Variants in TYW1B observed in about 807,000 individuals in gnomAD.
TYW1B encodes tRNA-yW synthesizing protein 1 homolog B.
In TYW1B, 73 loss-of-function variants were observed where a neutral mutation model predicts 86.9. The observed-to-expected ratio is 0.84, with a 90% CI of 0.70 to 1.02. The LOEUF (loss-of-function observed/expected upper bound fraction) is 1.02, where lower values mean the gene tolerates loss of function less well. Ranked by LOEUF, TYW1B falls within the 50% of genes least tolerant of loss-of-function variation. TYW1B has a pLI of 0.00. For missense variants in TYW1B, 637 were observed against 827.4 expected (o/e 0.77, Z 2.82); for synonymous variants, 248 against 292.8 (o/e 0.85, Z 1.56).
intron 7 of TYW1B, among the ~76,000 whole-genome samples, chr7:72,776,055 G>A (rs35736902): frequency 0.69 from 104,321 of 151,906 alleles, 36,754 homozygotes; most frequent in Non-Finnish European, 0.77. Flanking sequence ...GCTGAGGCAG[G>A]AGGATTCCTT....
intron 7 of TYW1B, among the ~76,000 whole-genome samples, chr7:72,774,679 C>G (rs1478090002): frequency 4.6e-5 from 7 of 152,012 alleles, no homozygotes; most frequent in African/African-American, 1.7e-4. Context: ...TGCAGTGAGC[C>G]AAGATCACGC....
intron 6 of TYW1B, among the ~76,000 whole-genome samples, chr7:72,782,738 A>G (rs1338764019): frequency 6.6e-6 from 1 of 152,036 alleles, no homozygotes; most frequent in Non-Finnish European, 1.5e-5. Flanking sequence ...TTAGCCAGGC[A>G]TGGTGGCAAA....
intron 6 of TYW1B, among the ~76,000 whole-genome samples, chr7:72,792,390 A>G (rs2129572309): frequency 6.6e-6 from 1 of 152,254 alleles, no homozygotes; most frequent in African/African-American, 2.4e-5. Flanking sequence ...GCAAATGAAC[A>G]ATAAACACAA....
intron 7 of TYW1B, among the ~76,000 whole-genome samples, chr7:72,776,857 A>C (rs1787964649): frequency 6.6e-6 from 1 of 151,990 alleles, no homozygotes; most frequent in Admixed American, 6.6e-5. Flanking sequence ...CCAGACCGAC[A>C]GTTTCTTGAA....
At chr7:72,716,631 C>CTGTTGTTGTTGTTGTTGT (rs138304885) in intron 9 of TYW1B, among the ~76,000 whole-genome samples, 15 of 149,082 alleles carry the variant, frequency 1.0e-4, no homozygotes, top group African/African-American at 3.7e-4. Flanking sequence ...GGGGCTGTGG[C>CTGTTGTTGTTGTTGTTGT]TGTTGTTGTT....
chr7:72,803,181 G>A (rs1554476109), intron 5 of TYW1B, among the ~76,000 whole-genome samples: 1 of 152,084 alleles, frequency 6.6e-6, no homozygotes. Flanking sequence ...AGACCAGCCT[G>A]GGCAACATAG....
rs1165508035 is a variant in TYW1B at position 72,690,814 on chromosome 7, C to T, written c.1506+3873G>A. Among the ~76,000 whole-genome samples the T allele has an allele frequency of 3.3e-5, 5 of 151,366 alleles. No homozygotes were observed. The East Asian group carries it at 5.9e-4, about 18-fold the overall frequency. ...CCAGACTGGAGTTCAATGGTGTGAT[C>T]TCGGCTCGCTACAACCTCCGCCTCC... On this transcript the variant is annotated intron_variant, in intron 11 of 13. Coordinates refer to ENST00000620995, the MANE Select transcript of TYW1B (RefSeq NM_001145440.3).
At chr7:72,626,910 C>G (rs1479492093) in intron 12 of TYW1B, among the ~76,000 whole-genome samples, 1 of 151,856 alleles carries the variant, frequency 6.6e-6, no homozygotes, top group Non-Finnish European at 1.5e-5. Flanking sequence ...CAGCTTCACG[C>G]CCTTTCCTAG....
chr7:72,664,685 A>G (rs1554444984), intron 11 of TYW1B, among the ~76,000 whole-genome samples: 3 of 152,150 alleles, frequency 2.0e-5, no homozygotes, highest in Admixed American at 2.0e-4. Flanking sequence ...GATAATCTGT[A>G]CAACGAATTC....
intron 11 of TYW1B, among the ~76,000 whole-genome samples, chr7:72,632,214 G>A (rs1361972267): frequency 1.1e-4 from 16 of 144,024 alleles, no homozygotes; most frequent in Middle Eastern, 3.7e-3. Context: ...AGCCATGATC[G>A]TACCAACGCA....
At chr7:72,792,998 A>AGAG (rs1554473829) in intron 6 of TYW1B, among the ~76,000 whole-genome samples, 5 of 152,220 alleles carry the variant, frequency 3.3e-5, no homozygotes. Flanking sequence ...AAACAGGAAC[A>AGAG]GAGGACTGCT....
chr7:72,579,926 T>C (rs1351387082), intron 13 of TYW1B, among the ~76,000 whole-genome samples: 4 of 152,222 alleles, frequency 2.6e-5, no homozygotes, highest in African/African-American at 7.2e-5. Flanking sequence ...GCTAGGATCA[T>C]AGGCATGAGC....
intron 1 of TYW1B, among the ~76,000 whole-genome samples, chr7:72,827,215 C>A (rs1433657096): frequency 6.6e-6 from 1 of 151,962 alleles, no homozygotes; most frequent in East Asian, 1.9e-4. Context: ...CGAGACCAGC[C>A]TGGCCAACAT....
At chr7:72,651,095 T>C (rs1337006154) in intron 11 of TYW1B, among the ~76,000 whole-genome samples, 1 of 152,190 alleles carries the variant, frequency 6.6e-6, no homozygotes, top group Non-Finnish European at 1.5e-5. Flanking sequence ...AGGCTTACTA[T>C]AAAGCTATGC....
chr7:72,772,133 G>A (rs1420748450), intron 7 of TYW1B, among the ~76,000 whole-genome samples: 1 of 151,594 alleles, frequency 6.6e-6, no homozygotes, highest in Non-Finnish European at 1.5e-5. Flanking sequence ...ACAAGCGTGA[G>A]CCACCACACC....
chr7:72,628,101 G>A (rs187012816), intron 12 of TYW1B, among the ~76,000 whole-genome samples: 29 of 152,142 alleles, frequency 1.9e-4, no homozygotes, highest in Non-Finnish European at 3.4e-4. Flanking sequence ...AGACCAGCCT[G>A]GGCAAAACAG....
At chr7:72,651,483 C>T (rs59749972) in intron 11 of TYW1B, among the ~76,000 whole-genome samples, 6 of 125,626 alleles carry the variant, frequency 4.8e-5, no homozygotes, top group Non-Finnish European at 8.2e-5. Flanking sequence ...CTGGGCATGG[C>T]GGGCACCTAT....
At chr7:72,670,808 C>T (rs1813582490) in intron 11 of TYW1B, among the ~76,000 whole-genome samples, 1 of 152,132 alleles carries the variant, frequency 6.6e-6, no homozygotes, top group African/African-American at 2.4e-5. Flanking sequence ...AAATGGTGCT[C>T]AAACAACATA....
intron 9 of TYW1B, among the ~76,000 whole-genome samples, chr7:72,716,412 G>A (rs1193469987): frequency 6.6e-6 from 1 of 152,228 alleles, no homozygotes; most frequent in Non-Finnish European, 1.5e-5. Context: ...TTATGAAACT[G>A]ATTCGATCCC....
Sources: gnomAD v4.1 joint callset for allele counts (sites outside exome capture counted in the v4.1 genomes callset) on GRCh38, gnomAD v4.1.1 for gene constraint, MANE v1.5 for transcripts, NCBI Gene and HGNC (gene_info 2026-07-23, HGNC 2026-07-21) for gene names.